Variants in PHF24 observed in about 807,000 individuals in gnomAD.
The protein encoded by PHF24 is PHD finger protein 24.
A neutral mutation model predicts 42.6 loss-of-function variants in PHF24; 25 were observed. That is an observed-to-expected ratio of 0.59 (90% confidence interval 0.43 to 0.82). PHF24 has a LOEUF of 0.82. PHF24 is among the 40% of genes least tolerant of loss of function. The pLI, the probability that PHF24 is intolerant of heterozygous loss-of-function variation, is 0.00. For missense variants in PHF24, 470 were observed against 538.1 expected (o/e 0.87, Z 1.25); for synonymous variants, 185 against 204.8 (o/e 0.90, Z 0.83).
chr9:34,723,363 G>C, the PHF24 span: 1 of 1,551,706 alleles, frequency 6.4e-7, no homozygotes, highest in Non-Finnish European at 8.7e-7. Flanking sequence ...TCTAGGGATT[G>C]GGGACCATCC....
the PHF24 span, chr9:34,681,298 A>G: frequency 2.0e-5 from 3 of 152,236 alleles, no homozygotes. Flanking sequence ...TACCTAGCCT[A>G]TTCTGACCAA....
the PHF24 span, among the ~76,000 whole-genome samples, chr9:34,739,794 G>A: frequency 1.3e-5 from 2 of 152,114 alleles, no homozygotes; most frequent in Non-Finnish European, 2.9e-5. Flanking sequence ...GCCGCTGCTG[G>A]CTGGGGCAGC....
At chr9:34,713,505 C>G in the PHF24 span, among the ~76,000 whole-genome samples, 2 of 150,108 alleles carry the variant, frequency 1.3e-5, no homozygotes, top group Non-Finnish European at 2.9e-5. Flanking sequence ...AGTACCACCC[C>G]CCCTGCTTGT....
chr9:34,827,225 A>G, the PHF24 span, among the ~76,000 whole-genome samples: 1 of 152,046 alleles, frequency 6.6e-6, no homozygotes, highest in African/African-American at 2.4e-5. Context: ...AATTCCCTTC[A>G]TTCTGGGCTT....
chr9:34,982,071 C>G (rs966725338), exon 8 of PHF24: 1 of 152,170 alleles, frequency 6.6e-6, no homozygotes, highest in Non-Finnish European at 1.5e-5. Context: ...CCCCAGTGAC[C>G]CAGAGCATGG....
the PHF24 span, chr9:34,895,577 A>G: frequency 2.5e-6 from 1 of 398,556 alleles, no homozygotes; most frequent in East Asian, 3.6e-5. Flanking sequence ...GTGTTTCCCT[A>G]CCCGGCAACA....
the PHF24 span, among the ~76,000 whole-genome samples, chr9:34,716,813 G>A: frequency 5.9e-5 from 9 of 152,024 alleles, no homozygotes; most frequent in Admixed American, 2.0e-4. Context: ...TCACCATATT[G>A]CCCAGGCTGG....
chr9:34,856,015 A>C, the PHF24 span, among the ~76,000 whole-genome samples: 31 of 152,140 alleles, frequency 2.0e-4, no homozygotes, highest in Non-Finnish European at 4.0e-4. Flanking sequence ...CTTATTTCAG[A>C]AAGATAGTCT....
the PHF24 span, among the ~76,000 whole-genome samples, chr9:34,857,775 A>G: frequency 6.6e-6 from 1 of 152,236 alleles, no homozygotes; most frequent in Non-Finnish European, 1.5e-5. Flanking sequence ...TATATTTTCA[A>G]GTAAACATTC....
At chr9:34,773,137 T>A in the PHF24 span, among the ~76,000 whole-genome samples, 2 of 152,110 alleles carry the variant, frequency 1.3e-5, no homozygotes, top group Admixed American at 1.3e-4. Context: ...ACTACAGGCA[T>A]GCGACACCAC....
At chr9:34,755,745 A>T in the PHF24 span, among the ~76,000 whole-genome samples, 1 of 152,162 alleles carries the variant, frequency 6.6e-6, no homozygotes, top group African/African-American at 2.4e-5. Flanking sequence ...TCCTGGACTC[A>T]AGCAATCTTC....
the PHF24 span, among the ~76,000 whole-genome samples, chr9:34,702,049 A>G: frequency 6.6e-6 from 1 of 152,090 alleles, no homozygotes; most frequent in East Asian, 1.9e-4. Flanking sequence ...CCTTATTCCA[A>G]GGAAATATAT....
chr9:34,837,352 A>G, the PHF24 span: 2 of 377,138 alleles, frequency 5.3e-6, no homozygotes, highest in Non-Finnish European at 1.0e-5. Flanking sequence ...GGATCATCAG[A>G]TGCCCATGTT....
At chr9:34,698,473 A>T in the PHF24 span, among the ~76,000 whole-genome samples, 1 of 152,234 alleles carries the variant, frequency 6.6e-6, no homozygotes, top group Non-Finnish European at 1.5e-5. Flanking sequence ...TATTGCATAA[A>T]GGCTCATAAA....
chr9:34,962,523 A>G lies in PHF24; in HGVS notation c.-5+4122A>G, dbSNP rs140476432. 9.9e-3 allele frequency among the ~76,000 whole-genome samples: 1,508 copies of G among 152,198 alleles called. 30 individuals carry two copies. Among genetic ancestry groups the G allele is most frequent in the African/African-American group, 0.035 (1,435 of 41,510 alleles). ...GCTTCCATTTGTTCATTCTACCATC[A>G]GTTATTAAGCACCTGATTTGTGCCT... On this transcript the variant is annotated intron_variant, in intron 1 of 7. Transcript: ENST00000242315.
At chr9:34,706,864 A>T in the PHF24 span, among the ~76,000 whole-genome samples, 5 of 151,998 alleles carry the variant, frequency 3.3e-5, no homozygotes, top group Admixed American at 1.3e-4. Flanking sequence ...AGAGGCTCAC[A>T]CCTGTAATCC....
At chr9:34,698,809 C>A in the PHF24 span, among the ~76,000 whole-genome samples, 1 of 152,166 alleles carries the variant, frequency 6.6e-6, no homozygotes, top group Non-Finnish European at 1.5e-5. Context: ...GAGCTCCAGG[C>A]TCCGGGGAAA....
the PHF24 span, among the ~76,000 whole-genome samples, chr9:34,818,010 C>A: frequency 1.3e-5 from 2 of 152,152 alleles, no homozygotes; most frequent in Non-Finnish European, 1.5e-5. Context: ...ATTGATAATA[C>A]ATAGATATAT....
At chr9:34,796,308 A>G in the PHF24 span, among the ~76,000 whole-genome samples, 2 of 152,164 alleles carry the variant, frequency 1.3e-5, no homozygotes, top group African/African-American at 4.8e-5. Flanking sequence ...TCTTGTGACC[A>G]AGGATTAGAA....
Sources: gnomAD v4.1 joint callset for allele counts (sites outside exome capture counted in the v4.1 genomes callset) on GRCh38, gnomAD v4.1.1 for gene constraint, MANE v1.5 for transcripts, NCBI Gene and HGNC (gene_info 2026-07-23, HGNC 2026-07-21) for gene names.